Variants in MEF2C observed in about 807,000 individuals in gnomAD.
MEF2C encodes myocyte enhancer factor 2C, also known as myocyte-specific enhancer factor 2C.
In MEF2C, 6 loss-of-function variants were observed where a neutral mutation model predicts 50.5. The observed-to-expected ratio is 0.12, with a 90% CI of 0.07 to 0.23. The LOEUF (loss-of-function observed/expected upper bound fraction) is 0.23, where lower values mean the gene tolerates loss of function less well. Ranked by LOEUF, MEF2C falls within the 10% of genes least tolerant of loss-of-function variation. MEF2C has a pLI of 1.00. For missense variants in MEF2C, 276 were observed against 605.0 expected (o/e 0.46, Z 5.70); for synonymous variants, 183 against 228.0 (o/e 0.80, Z 1.78).
intron 1 of MEF2C, among the ~76,000 whole-genome samples, chr5:88,869,256 T>C (rs1178405687): frequency 1.3e-5 from 1 of 74,160 alleles, no homozygotes; most frequent in African/African-American, 8.5e-5. Flanking sequence ...AGTTTTCATA[T>C]ATATATATAT....
intron 4 of MEF2C, chr5:88,752,843 G>T: frequency 1.3e-6 from 1 of 780,352 alleles, no homozygotes; most frequent in Non-Finnish European, 1.6e-6. Context: ...TGTTTCTGCT[G>T]TACTAACTAG....
chr5:88,872,423 T>C (rs1456592720), intron 1 of MEF2C, among the ~76,000 whole-genome samples: 1 of 152,012 alleles, frequency 6.6e-6, no homozygotes, highest in Non-Finnish European at 1.5e-5. Flanking sequence ...TTTGATTTTT[T>C]TGGAGAAAGA....
At chr5:88,884,344 C>G (rs1833783811), upstream of MEF2C, 1 of 152,262 alleles carries the variant, frequency 6.6e-6, no homozygotes, top group African/African-American at 2.4e-5. Flanking sequence ...AAACCACGGT[C>G]CAGGATGTCT....
chr5:88,856,665 G>A (rs1359146282), intron 1 of MEF2C, among the ~76,000 whole-genome samples: 3 of 152,212 alleles, frequency 2.0e-5, no homozygotes, highest in African/African-American at 7.2e-5. Flanking sequence ...ACAGCCTGAG[G>A]GAACAGCTCA....
At chr5:88,804,448 G>A (rs904352887) in intron 3 of MEF2C, 150 bp downstream of exon 3, 14 of 646,552 alleles carry the variant, frequency 2.2e-5, no homozygotes, top group Non-Finnish European at 3.2e-5. Flanking sequence ...GGTGGAGTAA[G>A]AGTTGCGATA....
At chr5:88,801,181 A>C (rs1230925726) in intron 3 of MEF2C, among the ~76,000 whole-genome samples, 1 of 152,186 alleles carries the variant, frequency 6.6e-6, no homozygotes, top group Admixed American at 6.5e-5. Context: ...TCTTGTGAGT[A>C]AACTGTTTTT....
chr5:88,756,403 T>C (rs1775337578), intron 4 of MEF2C, among the ~76,000 whole-genome samples: 1 of 152,230 alleles, frequency 6.6e-6, no homozygotes, highest in African/African-American at 2.4e-5. Context: ...AGTGAGAACA[T>C]ACGGTATTAG....
chr5:88,751,188 A>G, intron 5 of MEF2C: 2 of 975,070 alleles, frequency 2.1e-6, no homozygotes, highest in Non-Finnish European at 2.4e-6. Flanking sequence ...TCTAAGTACT[A>G]AGAATGGATG....
At chr5:88,796,053 G>A (rs1795902500) in intron 3 of MEF2C, among the ~76,000 whole-genome samples, 1 of 152,174 alleles carries the variant, frequency 6.6e-6, no homozygotes, top group Non-Finnish European at 1.5e-5. Context: ...GTATTTTATT[G>A]AGGATTTTTG....
rs752349182 is a variant in MEF2C at position 88,731,809 on chromosome 5, T to C, written c.730A>G (p.Met244Val). ...TTACGGTTATTCATTCCTAAATTCA[T>C]TGGGGGAGGAGATTTTGCTTGCATA... The part of the protein sequence containing the change: ...KNMQAKSPPP[M>V]NLGMNNRKPD... Residue 244 changes from methionine to valine, a missense_variant, in exon 7 of 11, where the codon ATG (methionine) becomes GTG (valine). By Grantham distance (21) the Met-to-Val change is conservative. Transcript: ENST00000504921. 56 of 1,613,222 alleles carry C rather than the reference T, an allele frequency of 3.5e-5. No homozygotes were observed. Among genetic ancestry groups the C allele is most frequent in the Admixed American group, 1.0e-4 (6 of 59,912 alleles).
chr5:88,896,838 CATCT>C (rs2150294934), intron 1 of MEF2C, among the ~76,000 whole-genome samples: 1 of 152,102 alleles, frequency 6.6e-6, no homozygotes, highest in African/African-American at 2.4e-5. Context: ...TTCTTCCTTC[CATCT>C]GTCATTCATT....
chr5:88,749,799 G>C (rs1187476260), intron 5 of MEF2C, among the ~76,000 whole-genome samples: 1 of 152,228 alleles, frequency 6.6e-6, no homozygotes, highest in Non-Finnish European at 1.5e-5. Context: ...GGGAGGCCCA[G>C]GTGGGCGGAT....
At chr5:88,864,561 AT>A (rs1826630333) in intron 1 of MEF2C, among the ~76,000 whole-genome samples, 1 of 150,988 alleles carries the variant, frequency 6.6e-6, no homozygotes, top group African/African-American at 2.4e-5. Context: ...TATGCATATT[AT>A]AAATATACAT....
At chr5:88,740,877 G>T (rs1581568548) in intron 6 of MEF2C, 2 of 985,042 alleles carry the variant, frequency 2.0e-6, no homozygotes, top group Non-Finnish European at 1.2e-6. Flanking sequence ...AAATGAGGGG[G>T]TGTCTTCATT....
At chr5:88,771,395 C>A in intron 3 of MEF2C, 1 of 977,186 alleles carries the variant, frequency 1.0e-6, no homozygotes, top group South Asian at 4.7e-5. Context: ...CCTAGGACAC[C>A]CTATTACCTA....
intron 1 of MEF2C, among the ~76,000 whole-genome samples, chr5:88,858,404 C>A (rs150904434): frequency 6.6e-6 from 1 of 152,208 alleles, no homozygotes; most frequent in African/African-American, 2.4e-5. Flanking sequence ...TGACAGAATT[C>A]ATTTGCTCAT....
rs1328613387 is a variant in MEF2C at position 88,718,941 on chromosome 5, A to G, written c.*3663T>C. The G allele has an allele frequency of 6.6e-6, 1 of 152,246 alleles. No homozygotes were observed. Among genetic ancestry groups the G allele is most frequent in the Admixed American group, 6.5e-5 (1 of 15,280 alleles). The allele number at this position is 152,246 out of a possible 1,614,324, so 9.4% of individuals were successfully genotyped here. The stretch of plus-strand genomic sequence containing the variant: ...AAATTAACGCCATAAAAGTGACGAC[A>G]TCACGGCAGATGGCACAAATGAGAA... On this transcript the variant is annotated 3_prime_UTR_variant, in exon 11 of 11. Coordinates refer to ENST00000504921, the MANE Select transcript of MEF2C (RefSeq NM_002397.5).
At chr5:88,804,957 T>A (rs906927810) in intron 2 of MEF2C, among the ~76,000 whole-genome samples, 156 bp from the exon 3 acceptor site, 1 of 152,228 alleles carries the variant, frequency 6.6e-6, no homozygotes, top group Non-Finnish European at 1.5e-5. Flanking sequence ...AAATCTAATA[T>A]TAATTTCTGC....
At chr5:88,859,243 A>C (rs565732887) in intron 1 of MEF2C, among the ~76,000 whole-genome samples, 72 of 152,336 alleles carry the variant, frequency 4.7e-4, no homozygotes, top group Middle Eastern at 6.8e-3. Flanking sequence ...TTAAAACAGA[A>C]TTTTGGGATG....
Sources: gnomAD v4.1 joint callset for allele counts (sites outside exome capture counted in the v4.1 genomes callset) on GRCh38, gnomAD v4.1.1 for gene constraint, MANE v1.5 for transcripts, NCBI Gene and HGNC (gene_info 2026-07-23, HGNC 2026-07-21) for gene names.